Variants in ARID1B observed in about 807,000 individuals in gnomAD.
The protein encoded by ARID1B is AT-rich interaction domain 1B.
A neutral mutation model predicts 212.3 loss-of-function variants in ARID1B; 30 were observed. The ratio of observed to expected loss-of-function variants is 0.14; its 90% confidence interval spans 0.11 to 0.19. ARID1B has a LOEUF of 0.19. Ranked by LOEUF, ARID1B falls within the 10% of genes least tolerant of loss-of-function variation. ARID1B has a pLI of 1.00. For missense variants in ARID1B, 2,891 were observed against 3,204.0 expected, an observed-to-expected ratio of 0.90 and a Z score of 2.36; for synonymous variants, 1,402 against 1,301.7, an observed-to-expected ratio of 1.08 and a Z score of -1.66.
intron 7 of ARID1B, among the ~76,000 whole-genome samples, chr6:157,145,597 G>T (rs1409135323): frequency 2.6e-5 from 4 of 152,216 alleles, no homozygotes; most frequent in East Asian, 1.9e-4. Flanking sequence ...AGATTTGTAG[G>T]TGATAGAACT....
chr6:156,839,500 T>G (rs1783743145), intron 2 of ARID1B, among the ~76,000 whole-genome samples: 1 of 152,212 alleles, frequency 6.6e-6, no homozygotes, highest in Non-Finnish European at 1.5e-5. Context: ...TTCAAATCAC[T>G]GAGCAGTTGG....
intron 4 of ARID1B, among the ~76,000 whole-genome samples, chr6:157,057,122 G>A (rs903379034): frequency 6.6e-6 from 1 of 150,960 alleles, no homozygotes; most frequent in African/African-American, 2.4e-5. Flanking sequence ...TCAGCCTCCC[G>A]AGTAGCTGGG....
At chr6:156,803,869 T>C (rs1172616235) in intron 1 of ARID1B, among the ~76,000 whole-genome samples, 3 of 152,136 alleles carry the variant, frequency 2.0e-5, no homozygotes, top group African/African-American at 7.2e-5. Context: ...ATCTGCAAAA[T>C]AGGGATGATG....
chr6:156,841,449 T>TGAC (rs1783895637), intron 2 of ARID1B, among the ~76,000 whole-genome samples: 1 of 152,218 alleles, frequency 6.6e-6, no homozygotes, highest in African/African-American at 2.4e-5. Context: ...ATGATGATGA[T>TGAC]GACAGGAATC....
At position 156,953,849 on chromosome 6, in the gene ARID1B, C is replaced by T. The variant is rs145983610; in HGVS notation, c.2247+18273C>T. ...CGTTTAAACACTGCTGTACACAAGG[C>T]CTTGATTTTTAGAGTGGTTACTGAA... is the stretch of plus-strand genomic sequence containing the variant. On this transcript the variant is annotated intron_variant, in intron 4 of 19. Coordinates refer to ENST00000636930, the MANE Select transcript of ARID1B (RefSeq NM_001374828.1). Among the ~76,000 whole-genome samples the T allele has an allele frequency of 7.3e-3, 1,109 of 152,180 alleles. 13 individuals carry two copies. Among genetic ancestry groups the T allele is most frequent in the African/African-American group, 0.025 (1,046 of 41,490 alleles).
At chr6:157,039,694 C>CTTCCTTCCTT (rs1554287218) in intron 4 of ARID1B, among the ~76,000 whole-genome samples, 106 of 58,458 alleles carry the variant, frequency 1.8e-3, no homozygotes, top group East Asian at 0.016. Context: ...TCCTTCCTTC[C>CTTCCTTCCTT]TTCTTTCTTT....
At chr6:157,026,386 A>G (rs546291317) in intron 4 of ARID1B, among the ~76,000 whole-genome samples, 1 of 152,310 alleles carries the variant, frequency 6.6e-6, no homozygotes, top group African/African-American at 2.4e-5. Flanking sequence ...ATCATATATC[A>G]ATCGTATTTT....
At chr6:156,779,508 C>T (rs376716533) in intron 1 of ARID1B, 37 bp downstream of exon 1, 241 of 1,282,126 alleles carry the variant, frequency 1.9e-4, no homozygotes, top group Non-Finnish European at 2.3e-4. Context: ...TTCCGCCCGG[C>T]GGCCTCGCCG....
At chr6:156,957,120 GT>G (rs1794030983) in intron 4 of ARID1B, among the ~76,000 whole-genome samples, 1 of 152,208 alleles carries the variant, frequency 6.6e-6, no homozygotes, top group Non-Finnish European at 1.5e-5. Flanking sequence ...TAGATGTAGA[GT>G]TTATCTGTTG....
chr6:156,963,661 A>G (rs1390205618), intron 4 of ARID1B, among the ~76,000 whole-genome samples: 5 of 152,334 alleles, frequency 3.3e-5, no homozygotes, highest in African/African-American at 4.8e-5. Context: ...ATGAAAATGG[A>G]TCAAATGCTA....
At chr6:157,188,399 A>G (rs573360348) in intron 13 of ARID1B, among the ~76,000 whole-genome samples, 1 of 152,260 alleles carries the variant, frequency 6.6e-6, no homozygotes, top group Admixed American at 6.5e-5. Context: ...GTCTCTGTCT[A>G]GCTGAGGCTT....
In ARID1B at chr6:157,209,454, A is replaced by G. The variant is rs1421338563; in HGVS notation, c.*1563A>G. On this transcript the variant is annotated 3_prime_UTR_variant, in exon 20 of 20. Coordinates refer to ENST00000636930, the MANE Select transcript of ARID1B (RefSeq NM_001374828.1). The stretch of plus-strand genomic sequence containing the variant: ...TTGATTTTCTCAAATTACTTAGCTA[A>G]TTAGTCTTTCTTTGAAGCAATTAAC... 1.7e-5 allele frequency: 4 copies of G among 232,634 alleles called. No homozygotes were observed. Among genetic ancestry groups the G allele is most frequent in the Non-Finnish European group, 2.5e-5 (3 of 117,652 alleles). 14.4% of individuals were successfully genotyped at this position (232,634 alleles called of 1,614,324 possible). A position where few individuals can be genotyped will look rare whatever the true frequency, so the allele number is the denominator to read the frequency against.
chr6:156,905,187 C>A (rs563349958), intron 3 of ARID1B, among the ~76,000 whole-genome samples: 3 of 150,388 alleles, frequency 2.0e-5, no homozygotes, highest in Non-Finnish European at 4.4e-5. Context: ...GTTATTAACT[C>A]CAGAGGACTG....
At chr6:157,050,408 G>A (rs904543037) in intron 4 of ARID1B, among the ~76,000 whole-genome samples, 1 of 152,148 alleles carries the variant, frequency 6.6e-6, no homozygotes, top group African/African-American at 2.4e-5. Flanking sequence ...GCCAGGCGTG[G>A]TGGTGCGTGA....
rs550758439 is a variant in ARID1B, at chr6:156,858,536, T to C, written c.1986+29115T>C. Among the ~76,000 whole-genome samples, 3 of 152,258 alleles carry C rather than the reference T, an allele frequency of 2.0e-5. No individual in the cohort carries two copies. The South Asian group carries it at 6.2e-4, about 32-fold the overall frequency. Reference sequence around the variant, plus strand: ...ATTCTAGCACTTTGGGAGGCCACGGTGGTCAGATCACTTGAGGTCAGGAGT... The same window carrying C: ...ATTCTAGCACTTTGGGAGGCCACGGCGGTCAGATCACTTGAGGTCAGGAGT... On this transcript the variant is annotated intron_variant, in intron 2 of 19. Coordinates refer to ENST00000636930, the MANE Select transcript of ARID1B (RefSeq NM_001374828.1).
intron 4 of ARID1B, among the ~76,000 whole-genome samples, chr6:157,010,486 C>G (rs1779530870): frequency 1.3e-5 from 2 of 151,788 alleles, no homozygotes; most frequent in African/African-American, 4.8e-5. Flanking sequence ...CCACACCCAG[C>G]TAATTGTTAC....
At chr6:157,049,498 T>C (rs1782451306) in intron 4 of ARID1B, among the ~76,000 whole-genome samples, 1 of 152,204 alleles carries the variant, frequency 6.6e-6, no homozygotes, top group South Asian at 2.1e-4. Flanking sequence ...TTCCCCTAGC[T>C]ACACATGGCA....
At chr6:156,875,130 T>C (rs1039907115) in intron 2 of ARID1B, among the ~76,000 whole-genome samples, 1 of 152,252 alleles carries the variant, frequency 6.6e-6, no homozygotes, top group African/African-American at 2.4e-5. Flanking sequence ...GATATATATT[T>C]GAGGCTGATG....
chr6:156,871,771 G>A, intron 2 of ARID1B: 1 of 1,191,592 alleles, frequency 8.4e-7, no homozygotes, highest in Non-Finnish European at 1.2e-6. Context: ...TTCTTAGATG[G>A]GAGGCTGAGG....
Sources: gnomAD v4.1 joint callset for allele counts (sites outside exome capture counted in the v4.1 genomes callset) on GRCh38, gnomAD v4.1.1 for gene constraint, MANE v1.5 for transcripts, NCBI Gene and HGNC (gene_info 2026-07-23, HGNC 2026-07-21) for gene names.